PINLYP: variants seen among roughly 807,000 people sequenced by gnomAD.
The protein encoded by PINLYP is phospholipase A2 inhibitor and LY6/PLAUR domain containing.
Under a neutral mutation model 15.8 loss-of-function variants are expected in PINLYP, and 12 were observed. The observed-to-expected ratio is 0.76, with a 90% CI of 0.49 to 1.23. The LOEUF (loss-of-function observed/expected upper bound fraction) is 1.23. Ranked by LOEUF, PINLYP falls within the 50% of genes most tolerant of loss-of-function variation. PINLYP has a pLI of 0.00. For missense variants in PINLYP, 278 were observed against 264.2 expected (o/e 1.05, Z -0.36); for synonymous variants, 93 against 97.7 (o/e 0.95, Z 0.28).
At chr19:43,578,569 C>T (rs1343666576) in intron 2 of PINLYP, 21 bp from the exon 3 acceptor site, 18 of 1,520,826 alleles carry the variant, frequency 1.2e-5, no homozygotes, top group Non-Finnish European at 1.5e-5. Context: ...ACTACAGCCT[C>T]GCCCTCTGTC....
intron 2 of PINLYP, 150 bp downstream of exon 2, chr19:43,577,411 A>T: frequency 1.1e-6 from 1 of 880,394 alleles, no homozygotes; most frequent in Non-Finnish European, 1.6e-6. Flanking sequence ...TTCATGGAAG[A>T]GGCCAAGGGT....
intron 3 of PINLYP, chr19:43,578,946 A>C: frequency 2.4e-6 from 1 of 418,310 alleles, no homozygotes; most frequent in Non-Finnish European, 4.5e-6. Flanking sequence ...GAGAAGGAAA[A>C]TGTGGGAGGG....
Position 43,581,471 on chromosome 19 carries a change from A to G in PINLYP, c.341-92A>G, listed in dbSNP as rs1486787203. 33 of 1,508,920 alleles carry G rather than the reference A, an allele frequency of 2.2e-5. No homozygotes were observed. In the South Asian group the frequency reaches 2.3e-4, roughly 10 times the overall value. 93.5% of individuals were successfully genotyped at this position (1,508,920 alleles called of 1,614,324 possible). On this transcript the variant is annotated intron_variant, in intron 4 of 5. Coordinates refer to ENST00000599207, the Ensembl canonical transcript of PINLYP. ...TCCTTACCTGTAAAATGCAGTGTCT[A>G]TTAGCAACCCTGGTGTTTCCCGGGG...
At chr19:43,581,703 G>A in exon 5 of PINLYP, 1 of 1,536,238 alleles carries the variant, frequency 6.5e-7, no homozygotes, top group East Asian at 2.4e-5. Flanking sequence ...CGTGCAGGCT[G>A]GTGAGTGGTG....
intron 2 of PINLYP, among the ~76,000 whole-genome samples, chr19:43,577,779 G>T (rs1354056454): frequency 6.6e-6 from 1 of 151,876 alleles, no homozygotes; most frequent in Non-Finnish European, 1.5e-5. Context: ...GGTGGTGGGC[G>T]CCTGTAATCC....
At chr19:43,581,032 T>C (rs1289931470) in intron 3 of PINLYP, 180 bp from the exon 4 acceptor site, 6 of 717,926 alleles carry the variant, frequency 8.4e-6, no homozygotes, top group Admixed American at 3.2e-5. Flanking sequence ...GATCGCGCCA[T>C]TGCACTCCAG....
chr19:43,580,722 C>T, intron 3 of PINLYP: 1 of 973,760 alleles, frequency 1.0e-6, no homozygotes, highest in Non-Finnish European at 1.2e-6. Context: ...GGGGCTATGG[C>T]AGCGGGAGGG....
chr19:43,579,174 G>T, intron 3 of PINLYP: 1 of 183,298 alleles, frequency 5.5e-6, no homozygotes. Context: ...TGGAGTGTTG[G>T]AGTGGTGGAA....
At chr19:43,581,617 G>C (rs1055010777) in exon 5 of PINLYP, 23 of 1,536,522 alleles carry the variant, frequency 1.5e-5, no homozygotes, top group Non-Finnish European at 1.7e-5. Flanking sequence ...TGCACTGCGA[G>C]CTTCAGGGAC....
At chr19:43,581,887 T>TAGCACA (rs1420738052) in exon 6 of PINLYP, 2 of 1,536,790 alleles carry the variant, frequency 1.3e-6, no homozygotes, top group Non-Finnish European at 1.7e-6. Flanking sequence ...AACCCAGATT[T>TAGCACA]GCTATGCGGG....
intron 2 of PINLYP, 33 bp downstream of exon 2, chr19:43,577,294 A>G (rs1202829446): frequency 6.5e-7 from 1 of 1,527,518 alleles, no homozygotes; most frequent in Non-Finnish European, 8.7e-7. Context: ...TGTCTCTGGG[A>G]CCTCAGGAAG....
chr19:43,580,113 A>C (rs543888335), intron 3 of PINLYP, among the ~76,000 whole-genome samples: 1 of 152,166 alleles, frequency 6.6e-6, no homozygotes, highest in Non-Finnish European at 1.5e-5. Context: ...GGGAGAAAAC[A>C]CTGGTCGGGA....
intron 3 of PINLYP, among the ~76,000 whole-genome samples, chr19:43,579,533 T>A (rs964380407): frequency 1.1e-4 from 16 of 150,770 alleles, no homozygotes; most frequent in Admixed American, 1.1e-3. Flanking sequence ...AGGCATGAGC[T>A]ACCGTGCCTG....
Position 43,576,411 on chromosome 19 carries a change from G to A in PINLYP, c.-586G>A, listed in dbSNP as rs531001989. On this transcript the variant is annotated 5_prime_UTR_variant, in exon 1 of 6. An upstream start codon of the reference 5' UTR is lost. Transcript: ENST00000599207. ...ATTAGCAGATCTCTTTCAGCCTTAT[G>A]CCTGAGGCCAAAAGAGAAGGGTTCT... 2.0e-5 allele frequency among the ~76,000 whole-genome samples: 3 copies of A among 151,996 alleles called. No individual in the cohort carries two copies. In the South Asian group the frequency reaches 6.2e-4, roughly 32 times the overall value.
rs1292431894 is a variant in PINLYP at position 43,581,230 on chromosome 19, A to C, written c.206A>C (p.His69Pro). 1.5e-5 allele frequency: 23 copies of C among 1,537,000 alleles called. No individual in the cohort carries two copies. The highest frequency in any genetic ancestry group is 1.8e-5 in the Non-Finnish European group (21 of 1,146,942). The change falls in exon 4 of 6, where the codon CAC (histidine) becomes CCC (proline). Residue 69 changes from histidine (H) to proline (P), a missense_variant. Transcript: ENST00000599207. ...CCCACAGAGGGCAAGGAGTTGGTGC[A>C]CACCTACAAGGGCTGCATCAGGTCC...
exon 4 of PINLYP, chr19:43,581,338 A>G (rs1322289657): frequency 6.5e-7 from 1 of 1,536,786 alleles, no homozygotes; most frequent in Admixed American, 2.0e-5. Flanking sequence ...TGCCAGAGCG[A>G]CGGCTGCAAC....
chr19:43,576,505 G>A (rs1015457709), exon 1 of PINLYP, among the ~76,000 whole-genome samples: 4 of 151,964 alleles, frequency 2.6e-5, no homozygotes, highest in African/African-American at 9.7e-5. Flanking sequence ...CCCCTATCCT[G>A]GAGTTCTTCC....
At chr19:43,580,388 C>T (rs1479536876) in intron 3 of PINLYP, 1 of 327,912 alleles carries the variant, frequency 3.0e-6, no homozygotes, top group East Asian at 1.7e-4. Flanking sequence ...TGAAAATAGC[C>T]AAGAGGGGCA....
At chr19:43,577,333 GAT>G in intron 2 of PINLYP, 72 bp downstream of exon 2, 4 of 1,399,340 alleles carry the variant, frequency 2.9e-6, no homozygotes, top group Non-Finnish European at 3.8e-6. Flanking sequence ...GAGAGAGAGA[GAT>G]ATAGAGAGAG....
Sources: allele counts gnomAD v4.1 joint callset (sites outside exome capture counted in the v4.1 genomes callset), GRCh38; gene constraint gnomAD v4.1.1; transcripts MANE v1.5; gene names NCBI Gene and HGNC (gene_info 2026-07-23, HGNC 2026-07-21).